SH3RF1: variants seen among roughly 807,000 people sequenced by gnomAD.
SH3RF1 encodes the protein SH3 domain containing ring finger 1, also known as E3 ubiquitin-protein ligase SH3RF1.
SH3RF1 carries 32 observed loss-of-function variants against 74.0 expected under a neutral mutation model. The observed-to-expected ratio is 0.43, with a 90% CI of 0.33 to 0.58. The LOEUF (loss-of-function observed/expected upper bound fraction) is 0.58, where lower values mean the gene tolerates loss of function less well. Among genes scored for constraint, SH3RF1 ranks in the 20% least tolerant of loss-of-function variants. The probability of loss-of-function intolerance (pLI) is 0.05; values close to 1 mark genes in which losing one functional copy is unlikely to be tolerated. For synonymous variants in SH3RF1, 396 were observed against 439.6 expected (o/e 0.90, Z 1.24); for missense variants, 954 against 1,130.9 (o/e 0.84, Z 2.24).
intron 10 of SH3RF1, among the ~76,000 whole-genome samples, chr4:169,113,582 G>A (rs1185349875): frequency 6.6e-6 from 1 of 152,210 alleles, no homozygotes; most frequent in East Asian, 1.9e-4. Flanking sequence ...AGAACTCTGT[G>A]GATGGGAGGA....
chr4:169,104,667 C>T (rs913402847), intron 11 of SH3RF1, among the ~76,000 whole-genome samples: 1 of 151,958 alleles, frequency 6.6e-6, no homozygotes, highest in Non-Finnish European at 1.5e-5. Flanking sequence ...TTTGAGAGGC[C>T]GAGGCAGGTG....
intron 2 of SH3RF1, among the ~76,000 whole-genome samples, chr4:169,266,329 T>A (rs1333304357): frequency 6.6e-6 from 1 of 152,116 alleles, no homozygotes; most frequent in African/African-American, 2.4e-5. Flanking sequence ...GCACAACATA[T>A]GGAAACAGGC....
intron 2 of SH3RF1, among the ~76,000 whole-genome samples, chr4:169,257,935 C>T (rs1196113860): frequency 6.6e-6 from 1 of 152,242 alleles, no homozygotes; most frequent in East Asian, 1.9e-4. Flanking sequence ...TCTAAGGGAA[C>T]ATTAAAGGCA....
At chr4:169,226,040 C>A (rs902202805) in intron 2 of SH3RF1, among the ~76,000 whole-genome samples, 2 of 152,276 alleles carry the variant, frequency 1.3e-5, no homozygotes, top group East Asian at 1.9e-4. Context: ...TAGCAACACA[C>A]TTCTGATAAC....
intron 2 of SH3RF1, among the ~76,000 whole-genome samples, chr4:169,228,009 TA>T (rs1730677647): frequency 6.6e-6 from 1 of 152,244 alleles, no homozygotes; most frequent in Admixed American, 6.5e-5. Context: ...TCATTTCCTA[TA>T]AAAGCAACAT....
chr4:169,111,457 G>A (rs1278910263), intron 10 of SH3RF1, among the ~76,000 whole-genome samples: 1 of 151,334 alleles, frequency 6.6e-6, no homozygotes, highest in East Asian at 2.0e-4. Context: ...TAGAGATAGG[G>A]TTTTGCTAAG....
At chr4:169,118,460 G>T (rs34373186) in intron 8 of SH3RF1, among the ~76,000 whole-genome samples, 14,697 of 152,042 alleles carry the variant, frequency 0.097, 949 homozygotes, top group South Asian at 0.2. Flanking sequence ...ATTATTATTA[G>T]TAGTAGTAGT....
At chr4:169,226,206 G>T (rs1005295737) in intron 2 of SH3RF1, among the ~76,000 whole-genome samples, 1 of 152,194 alleles carries the variant, frequency 6.6e-6, no homozygotes, top group Non-Finnish European at 1.5e-5. Flanking sequence ...TTTGGTAAGT[G>T]AATGAAGAAC....
In SH3RF1 at chr4:169,130,159, G is replaced by C; in HGVS notation, c.1069-3C>G. 1 of 1,547,994 alleles carries C rather than the reference G, an allele frequency of 6.5e-7. No homozygotes were observed. The highest frequency in any genetic ancestry group is 8.7e-7 in the Non-Finnish European group (1 of 1,155,144). On this transcript the variant is annotated splice_polypyrimidine_tract_variant and splice_region_variant and intron_variant, in intron 5 of 11. Transcript: ENST00000284637. Reference sequence around the variant, plus strand: ...AACCCGGTGGTACTTATATGAACCTGCCGAGAAAAGAAAAGTTATTAAAAA... The same window carrying C: ...AACCCGGTGGTACTTATATGAACCTCCCGAGAAAAGAAAAGTTATTAAAAA...
chr4:169,211,094 A>G (rs1730353463), intron 2 of SH3RF1, among the ~76,000 whole-genome samples: 1 of 152,216 alleles, frequency 6.6e-6, no homozygotes, highest in African/African-American at 2.4e-5. Context: ...AAGACAAAAC[A>G]CTTATATCCT....
At chr4:169,161,399 T>C (rs1286513370) in intron 2 of SH3RF1, among the ~76,000 whole-genome samples, 2 of 152,256 alleles carry the variant, frequency 1.3e-5, no homozygotes, top group African/African-American at 2.4e-5. Context: ...GATATTAAAA[T>C]CCTCATGTGA....
chr4:169,184,233 G>A (rs1734567326), intron 2 of SH3RF1, among the ~76,000 whole-genome samples: 1 of 152,210 alleles, frequency 6.6e-6, no homozygotes, highest in African/African-American at 2.4e-5. Context: ...TGCATTTTCA[G>A]AAGAAATTAT....
intron 2 of SH3RF1, among the ~76,000 whole-genome samples, chr4:169,172,128 C>T (rs144776007): frequency 1.3e-5 from 2 of 152,324 alleles, no homozygotes; most frequent in East Asian, 3.9e-4. Flanking sequence ...GAAATTGATA[C>T]TGTATGAGCC....
chr4:169,169,988 C>T (rs556375339), intron 2 of SH3RF1, among the ~76,000 whole-genome samples: 413 of 151,934 alleles, frequency 2.7e-3, no homozygotes, highest in Non-Finnish European at 4.5e-3. Flanking sequence ...GCAAGAAATG[C>T]TACTGGAAAA....
At chr4:169,159,687 G>A (rs994006928) in intron 2 of SH3RF1, among the ~76,000 whole-genome samples, 6 of 152,250 alleles carry the variant, frequency 3.9e-5, no homozygotes, top group South Asian at 4.1e-4. Flanking sequence ...TGTCATCATC[G>A]TCATCATTAC....
chr4:169,166,687 G>A (rs1295849199), intron 2 of SH3RF1: 4 of 199,740 alleles, frequency 2.0e-5, no homozygotes, highest in Non-Finnish European at 3.1e-5. Context: ...GACAAACTGC[G>A]AGCCAGCATC....
At chr4:169,227,646 T>C (rs1156903925) in intron 2 of SH3RF1, among the ~76,000 whole-genome samples, 1 of 152,224 alleles carries the variant, frequency 6.6e-6, no homozygotes, top group Non-Finnish European at 1.5e-5. Flanking sequence ...TATTTTACTA[T>C]ACTACCATAC....
At chr4:169,170,794 A>C (rs935829353) in intron 2 of SH3RF1, among the ~76,000 whole-genome samples, 4 of 152,200 alleles carry the variant, frequency 2.6e-5, no homozygotes, top group Non-Finnish European at 5.9e-5. Flanking sequence ...TCTGAAATAC[A>C]ACTTTTACCA....
At chr4:169,210,511 T>G (rs982382382) in intron 2 of SH3RF1, among the ~76,000 whole-genome samples, 1 of 152,226 alleles carries the variant, frequency 6.6e-6, no homozygotes, top group Non-Finnish European at 1.5e-5. Flanking sequence ...TCTTTTAAAA[T>G]TAAATAAAAC....
Sources: gnomAD v4.1 joint callset for allele counts (sites outside exome capture counted in the v4.1 genomes callset) on GRCh38, gnomAD v4.1.1 for gene constraint, MANE v1.5 for transcripts, NCBI Gene and HGNC (gene_info 2026-07-23, HGNC 2026-07-21) for gene names.